The following TMPRSS6 variants were observed in gnomAD, a reference collection of about 807,000 sequenced individuals.
TMPRSS6 encodes transmembrane serine protease 6.
TMPRSS6 carries 67 observed loss-of-function variants against 101.5 expected under a neutral mutation model. That is an observed-to-expected ratio of 0.66 (90% confidence interval 0.54 to 0.81). The LOEUF is 0.81. TMPRSS6 is among the 30% of genes least tolerant of loss of function. TMPRSS6 has a pLI of 0.00. For missense variants in TMPRSS6, 1,034 were observed against 1,088.7 expected (o/e 0.95, Z 0.71); for synonymous variants, 453 against 464.9 (o/e 0.97, Z 0.33).
At chr22:37,098,629 A>AC (rs2146170523) in intron 2 of TMPRSS6, 80 bp from the exon 3 acceptor site, 1 of 1,601,790 alleles carries the variant, frequency 6.2e-7, no homozygotes, top group Non-Finnish European at 8.5e-7. Context: ...TTCTCCTGCC[A>AC]CCCACACCCT....
chr22:37,088,390 C>G lies in TMPRSS6; in HGVS notation c.836+1188G>C, dbSNP rs149822147. Among the ~76,000 whole-genome samples the G allele has an allele frequency of 5.4e-3, 819 of 152,338 alleles. 8 individuals are homozygous for G. Among genetic ancestry groups the G allele is most frequent in the African/African-American group, 0.019 (785 of 41,560 alleles). On this transcript the variant is annotated intron_variant, in intron 7 of 17. Coordinates refer to ENST00000676104, the MANE Select transcript of TMPRSS6 (RefSeq NM_001374504.1). ...CTGAACACACTGGTCCCATCCCCAT[C>G]TGCCTGGAGGCTGGCCACAGCCCAA...
intron 7 of TMPRSS6, among the ~76,000 whole-genome samples, chr22:37,088,132 A>G (rs1487123140): frequency 6.6e-6 from 1 of 152,110 alleles, no homozygotes; most frequent in African/African-American, 2.4e-5. Context: ...GAGAAGCCCC[A>G]GGGGAAACCC....
At chr22:37,067,055 C>A in intron 16 of TMPRSS6, 93 bp from the exon 17 acceptor site, 6 of 1,572,390 alleles carry the variant, frequency 3.8e-6, no homozygotes, top group Non-Finnish European at 5.2e-6. Flanking sequence ...ATCTCAGGAG[C>A]CTACTTCTCT....
intron 14 of TMPRSS6, 34 bp downstream of exon 14, chr22:37,070,882 A>C: frequency 6.2e-7 from 1 of 1,601,040 alleles, no homozygotes; most frequent in East Asian, 2.2e-5. Flanking sequence ...CTCCCTCCCA[A>C]GCTCCAGGGC....
chr22:37,103,433 G>T lies in TMPRSS6; in HGVS notation c.-1-15C>A, dbSNP rs1930503189. ...CCACGGGCATCCTGCCAGGGAAACAGACCAAAGTTGGAAACAGCCTCGCAT... is the reference window on the plus strand; with the variant it reads ...CCACGGGCATCCTGCCAGGGAAACATACCAAAGTTGGAAACAGCCTCGCAT... On this transcript the variant is annotated splice_polypyrimidine_tract_variant and intron_variant, in intron 1 of 17. Transcript: ENST00000676104. This position sits in a 1 kb window ranked among gnomAD's most constrained non-coding sequence, Gnocchi z 4.4. 1 of 1,614,238 alleles carries T rather than the reference G, an allele frequency of 6.2e-7. No individual in the cohort carries two copies. The highest frequency in any genetic ancestry group is 1.3e-5 in the African/African-American group (1 of 75,068).
At chr22:37,100,129 G>A (rs543987633) in intron 2 of TMPRSS6, among the ~76,000 whole-genome samples, 9 of 152,100 alleles carry the variant, frequency 5.9e-5, no homozygotes, top group African/African-American at 9.7e-5. Context: ...CACCACGCCC[G>A]GTTAATTTTG....
chr22:37,091,872 T>A (rs1929295192), intron 6 of TMPRSS6, among the ~76,000 whole-genome samples: 1 of 152,202 alleles, frequency 6.6e-6, no homozygotes, highest in Non-Finnish European at 1.5e-5. Context: ...TTTGCTCTGA[T>A]GCTGCCACCT....
chr22:37,104,469 C>T (rs1312148432), intron 1 of TMPRSS6, among the ~76,000 whole-genome samples: 2 of 152,130 alleles, frequency 1.3e-5, no homozygotes, highest in South Asian at 2.1e-4. Flanking sequence ...AACTGAATGT[C>T]GCCCCTCTCC....
At chr22:37,098,125 G>C (rs1361235036) in intron 3 of TMPRSS6, among the ~76,000 whole-genome samples, 4 of 151,426 alleles carry the variant, frequency 2.6e-5, no homozygotes, top group Non-Finnish European at 5.9e-5. Flanking sequence ...GTAACGGAGG[G>C]GCAGGAGCGG....
chr22:37,070,669 G>A lies in TMPRSS6; in HGVS notation c.1673-17C>T. 6.2e-7 allele frequency: 1 copy of A among 1,611,536 alleles called. No individual in the cohort carries two copies. The highest frequency in any genetic ancestry group is 8.5e-7 in the Non-Finnish European group (1 of 1,179,100). ...GGCCACAGTCTGGGGATGGGGGCAG[G>A]TGGTGGGGTGGACAGAGGAGGAGGG... On this transcript the variant is annotated splice_polypyrimidine_tract_variant and intron_variant, in intron 14 of 17. Coordinates refer to ENST00000676104, the MANE Select transcript of TMPRSS6 (RefSeq NM_001374504.1).
intron 2 of TMPRSS6, among the ~76,000 whole-genome samples, chr22:37,099,782 A>C (rs228906): frequency 6.6e-6 from 1 of 151,790 alleles, no homozygotes; most frequent in East Asian, 1.9e-4. Flanking sequence ...TGTCCCAGGC[A>C]GGGGCAAGTG....
Position 37,103,480 on chromosome 22 carries a change from G to A in TMPRSS6, c.-1-62C>T, listed in dbSNP as rs1429298507. ...GCATTTGCAAGGGAGCCTCTGCTGA[G>A]CACCGGTGGGGCACGGAAGCAGGAC... On this transcript the variant is annotated intron_variant, in intron 1 of 17. Coordinates refer to ENST00000676104, the MANE Select transcript of TMPRSS6 (RefSeq NM_001374504.1). The surrounding 1 kb of genome is among the most constrained non-coding windows in gnomAD (Gnocchi z 4.4). The A allele has an allele frequency of 6.2e-7, 1 of 1,614,230 alleles. No individual in the cohort carries two copies. The highest frequency in any genetic ancestry group is 8.5e-7 in the Non-Finnish European group (1 of 1,180,046).
At chr22:37,072,119 T>C (rs1926995948) in intron 13 of TMPRSS6, among the ~76,000 whole-genome samples, 1 of 139,524 alleles carries the variant, frequency 7.2e-6, no homozygotes, top group Non-Finnish European at 1.5e-5. Flanking sequence ...GGACGGATGA[T>C]GGATGGATGA....
At position 37,086,276 on chromosome 22, in the gene TMPRSS6, C is replaced by T. The variant is rs1445049911; in HGVS notation, c.973+7G>A. The T allele has an allele frequency of 1.2e-6, 2 of 1,613,880 alleles. No homozygotes were observed. The highest frequency in any genetic ancestry group is 1.1e-5 in the South Asian group (1 of 91,056). On this transcript the variant is annotated splice_region_variant and intron_variant, in intron 8 of 17. Coordinates refer to ENST00000676104, the MANE Select transcript of TMPRSS6 (RefSeq NM_001374504.1). ...CTCCCCTGCCCCAGGGACCCCTGAC[C>T]TCTCACCCTGGAAGACCACCGGCTG...
At chr22:37,083,199 G>A (rs547380701) in intron 10 of TMPRSS6, 4 of 401,344 alleles carry the variant, frequency 1.0e-5, no homozygotes, top group Admixed American at 3.4e-5. Flanking sequence ...GAAGGATAGA[G>A]TCTCCTCTTT....
intron 16 of TMPRSS6, among the ~76,000 whole-genome samples, chr22:37,067,431 C>T (rs990535018): frequency 2.0e-5 from 3 of 152,164 alleles, no homozygotes; most frequent in Non-Finnish European, 4.4e-5. Context: ...CGCGCCATTG[C>T]ACTCCAGCCT....
chr22:37,095,437 G>T, intron 6 of TMPRSS6, 114 bp downstream of exon 6: 1 of 1,360,346 alleles, frequency 7.4e-7, no homozygotes, highest in Non-Finnish European at 1.0e-6. Flanking sequence ...GGTGACTCTT[G>T]GCCAGGGCTC....
At chr22:37,099,594 G>T (rs991417359) in intron 2 of TMPRSS6, among the ~76,000 whole-genome samples, 2 of 152,154 alleles carry the variant, frequency 1.3e-5, no homozygotes, top group African/African-American at 4.8e-5. Flanking sequence ...GCAAAACAAC[G>T]GACAGAACTA....
In TMPRSS6 at chr22:37,089,715, G is replaced by A. The variant is rs1474007809; in HGVS notation, c.699C>T (p.Ala233=). The part of the protein sequence containing the change: ...VLRLKGPDHL[A]SSCLWHLQGP... ...CCTGCAGGTGCCACAGGCAGCTGGAGGCCAGGTGGTCAGGCCCCTTCAGCC... is the reference window on the plus strand; with the variant it reads ...CCTGCAGGTGCCACAGGCAGCTGGAAGCCAGGTGGTCAGGCCCCTTCAGCC... Residue 233 remains alanine, a synonymous_variant, in exon 7 of 18, where the codon GCC becomes GCT. Coordinates refer to ENST00000676104, the MANE Select transcript of TMPRSS6 (RefSeq NM_001374504.1). The A allele has an allele frequency of 1.2e-6, 2 of 1,612,168 alleles. No homozygotes were observed. The highest frequency in any genetic ancestry group is 1.7e-6 in the Non-Finnish European group (2 of 1,179,400).
Sources: gnomAD v4.1 joint callset for allele counts (sites outside exome capture counted in the v4.1 genomes callset) on GRCh38, gnomAD v4.1.1 for gene constraint, Gnocchi (gnomAD v3.1) non-coding constraint, MANE v1.5 for transcripts, NCBI Gene and HGNC (gene_info 2026-07-23, HGNC 2026-07-21) for gene names.